The following WDR41 variants were observed in gnomAD, a reference collection of about 807,000 sequenced individuals.
The protein encoded by WDR41 is WD repeat domain 41.
In WDR41, 63 loss-of-function variants were observed where a neutral mutation model predicts 69.3. The ratio of observed to expected loss-of-function variants is 0.91; its 90% CI spans 0.74 to 1.12. The LOEUF (loss-of-function observed/expected upper bound fraction) is 1.12. Ranked by LOEUF, WDR41 falls within the 50% of genes most tolerant of loss-of-function variation. The probability of loss-of-function intolerance (pLI) is 0.00; values close to 1 mark genes in which losing one functional copy is unlikely to be tolerated. For missense variants in WDR41, 543 were observed against 534.5 expected (o/e 1.02, Z -0.16); for synonymous variants, 185 against 192.1 (o/e 0.96, Z 0.31).
intron 1 of WDR41, among the ~76,000 whole-genome samples, chr5:77,593,137 T>A (rs79707569): frequency 0.032 from 4,825 of 152,028 alleles, 211 homozygotes; most frequent in African/African-American, 0.1. Flanking sequence ...GTGGGTAGAG[T>A]GCAGTGAGGC....
chr5:77,508,582 A>G (rs1219052381), intron 1 of WDR41, among the ~76,000 whole-genome samples: 1 of 152,080 alleles, frequency 6.6e-6, no homozygotes, highest in East Asian at 1.9e-4. Context: ...TCTCACTGGC[A>G]GTTCTGTTGG....
intron 1 of WDR41, among the ~76,000 whole-genome samples, chr5:77,536,265 T>A (rs958214741): frequency 1.3e-5 from 2 of 152,088 alleles, no homozygotes; most frequent in Admixed American, 6.6e-5. Context: ...CTGTGTGGAG[T>A]ACTGTGCTAG....
intron 8 of WDR41, 54 bp from the exon 9 acceptor site, chr5:77,441,051 A>C: frequency 6.3e-7 from 1 of 1,576,168 alleles, no homozygotes. Flanking sequence ...ATGTAAAGAT[A>C]TAACTGAATG....
chr5:77,484,564 G>T (rs1282480036), intron 2 of WDR41, among the ~76,000 whole-genome samples: 1 of 152,120 alleles, frequency 6.6e-6, no homozygotes, highest in African/African-American at 2.4e-5. Flanking sequence ...TGATAAAAAG[G>T]ATTCTGGTTA....
At chr5:77,471,030 A>C (rs1165535616) in intron 2 of WDR41, among the ~76,000 whole-genome samples, 3 of 152,230 alleles carry the variant, frequency 2.0e-5, no homozygotes, top group African/African-American at 4.8e-5. Context: ...TTGGAAGTAA[A>C]GCACTCCTCA....
chr5:77,459,638 CCAAGT>C (rs1427950593), intron 4 of WDR41, among the ~76,000 whole-genome samples: 1 of 152,236 alleles, frequency 6.6e-6, no homozygotes, highest in East Asian at 1.9e-4. Flanking sequence ...CATAAAACAT[CCAAGT>C]TCAGTTTGAC....
Position 77,476,431 on chromosome 5 carries a change from G to A in WDR41, c.168-11622C>T, listed in dbSNP as rs551226807. 3.6e-4 allele frequency among the ~76,000 whole-genome samples: 54 copies of A among 152,054 alleles called. 1 individual carries two copies. The South Asian group carries it at 9.2e-3, about 26-fold the overall frequency. On this transcript the variant is annotated intron_variant, in intron 2 of 12. Coordinates refer to ENST00000296679, the MANE Select transcript of WDR41 (RefSeq NM_018268.4). ...TTAAGGGCAGCCAGAGAGAAAGGTCGGGTTACCCTCAAAGGGAAGCCCATC... is the reference window on the plus strand; with the variant it reads ...TTAAGGGCAGCCAGAGAGAAAGGTCAGGTTACCCTCAAAGGGAAGCCCATC...
intron 1 of WDR41, among the ~76,000 whole-genome samples, 158 bp from the exon 2 acceptor site, chr5:77,489,730 C>A (rs1214669446): frequency 6.6e-6 from 1 of 152,132 alleles, no homozygotes; most frequent in Non-Finnish European, 1.5e-5. Flanking sequence ...AATATTATTT[C>A]TTCTTTTATC....
intron 1 of WDR41, among the ~76,000 whole-genome samples, chr5:77,490,760 C>T (rs980359192): frequency 4.6e-5 from 7 of 152,088 alleles, no homozygotes; most frequent in African/African-American, 7.2e-5. Flanking sequence ...AACCAAAGAA[C>T]CAGGTTAAAA....
intron 1 of WDR41, among the ~76,000 whole-genome samples, chr5:77,557,121 C>T (rs1227388965): frequency 6.6e-6 from 1 of 151,990 alleles, no homozygotes; most frequent in South Asian, 2.1e-4. Context: ...AAGTATGAAA[C>T]TTTTAAAAGA....
chr5:77,453,799 T>C lies in WDR41; in HGVS notation c.523+18A>G, dbSNP rs1799716154. 2 of 1,585,908 alleles carry C rather than the reference T, an allele frequency of 1.3e-6. No individual in the cohort carries two copies. The highest frequency in any genetic ancestry group is 8.7e-7 in the Non-Finnish European group (1 of 1,154,622). On this transcript the variant is annotated intron_variant, in intron 6 of 12. Coordinates refer to ENST00000296679, the MANE Select transcript of WDR41 (RefSeq NM_018268.4). ...TAGTCTGTCAATCATAGTTCAAAATTACCTTGATGTTTTTTACCTGTATCA... is the reference window on the plus strand; with the variant it reads ...TAGTCTGTCAATCATAGTTCAAAATCACCTTGATGTTTTTTACCTGTATCA...
In WDR41 at chr5:77,598,644, C is replaced by CTTTTTTTTTTTTTTTTTTTTTTTTTTT. The variant is rs765785617; in HGVS notation, c.42+21834_42+21835insAAAAAAAAAAAAAAAAAAAAAAAAAAA. Among the ~76,000 whole-genome samples, 4 of 121,358 alleles carry CTTTTTTTTTTTTTTTTTTTTTTTTTTT rather than the reference C, an allele frequency of 3.3e-5. 1 individual carries two copies. The highest frequency in any genetic ancestry group is 5.8e-5 in the African/African-American group (2 of 34,412). The allele number at this position is 121,358 out of a possible 152,430, so 79.6% of individuals were successfully genotyped here. ...GAAGTTATGTGAATCAGTAAGTTTC[C>CTTTTTTTTTTTTTTTTTTTTTTTTTTT]TTTTTTTTTTTGTTTTTTTTGTAGC... On this transcript the variant is annotated intron_variant, in intron 1 of 5. Coordinates refer to the WDR41 transcript ENST00000509971.
chr5:77,456,826 C>T (rs1309270845), intron 5 of WDR41, among the ~76,000 whole-genome samples: 2 of 152,158 alleles, frequency 1.3e-5, no homozygotes, highest in Non-Finnish European at 2.9e-5. Context: ...CTCAGCCTCC[C>T]AAATAACTGG....
intron 1 of WDR41, among the ~76,000 whole-genome samples, chr5:77,560,740 G>A (rs1290299272): frequency 1.3e-5 from 2 of 152,162 alleles, no homozygotes; most frequent in Non-Finnish European, 2.9e-5. Context: ...GTATGCATCA[G>A]CTTAATGAAA....
intron 1 of WDR41, among the ~76,000 whole-genome samples, chr5:77,561,448 T>C (rs1743522945): frequency 6.6e-6 from 1 of 152,136 alleles, no homozygotes; most frequent in Non-Finnish European, 1.5e-5. Flanking sequence ...TGATACTTTT[T>C]TTTCCTTGCT....
At chr5:77,611,677 G>A (rs199852602) in intron 1 of WDR41, among the ~76,000 whole-genome samples, 5 of 142,204 alleles carry the variant, frequency 3.5e-5, no homozygotes, top group Non-Finnish European at 7.8e-5. Flanking sequence ...TAAATGCCCA[G>A]AAGAGAAAGC....
chr5:77,456,011 A>C (rs1027014703), intron 5 of WDR41, among the ~76,000 whole-genome samples: 3 of 152,102 alleles, frequency 2.0e-5, no homozygotes, highest in African/African-American at 7.2e-5. Flanking sequence ...GCCAGCTACA[A>C]TTTTGATAAA....
intron 1 of WDR41, among the ~76,000 whole-genome samples, chr5:77,603,825 G>A (rs1303917633): frequency 6.6e-6 from 1 of 152,138 alleles, no homozygotes; most frequent in African/African-American, 2.4e-5. Context: ...ATTTATTGAA[G>A]AGGGTGTCCT....
At chr5:77,504,977 TTC>T (rs1409886736) in intron 1 of WDR41, among the ~76,000 whole-genome samples, 1 of 152,090 alleles carries the variant, frequency 6.6e-6, no homozygotes, top group African/African-American at 2.4e-5. Context: ...GACAAGGATG[TTC>T]TCTCTCACCA....
Sources: allele counts gnomAD v4.1 joint callset (sites outside exome capture counted in the v4.1 genomes callset), GRCh38; gene constraint gnomAD v4.1.1; transcripts MANE v1.5; gene names NCBI Gene and HGNC (gene_info 2026-07-23, HGNC 2026-07-21).